Variants in VSTM1 observed in about 807,000 individuals in gnomAD.
VSTM1 encodes the protein V-set and transmembrane domain-containing protein 1.
Under a neutral mutation model 33.1 loss-of-function variants are expected in VSTM1, and 27 were observed. That is an observed-to-expected ratio of 0.82 (90% CI 0.60 to 1.12). VSTM1 has a LOEUF of 1.12. Ranked by LOEUF, VSTM1 falls within the 50% of genes most tolerant of loss-of-function variation. The pLI is 0.00. For synonymous variants in VSTM1, 115 were observed against 110.3 expected, an observed-to-expected ratio of 1.04 and a Z score of -0.27; for missense variants, 304 against 288.9, an observed-to-expected ratio of 1.05 and a Z score of -0.38.
At position 54,041,958 on chromosome 19, in the gene VSTM1, AAGAG is replaced by A. The variant is rs750879691; in HGVS notation, c.516-9_516-6del. 3 of 1,614,094 alleles carry A rather than the reference AAGAG, an allele frequency of 1.9e-6. No individual in the cohort carries two copies. Among genetic ancestry groups the A allele is most frequent in the Non-Finnish European group, 2.5e-6 (3 of 1,180,002 alleles). On this transcript the variant is annotated splice_polypyrimidine_tract_variant and splice_region_variant and intron_variant, in intron 6 of 8. Transcript: ENST00000338372. Reference sequence around the variant, plus strand: ...GGAAGTTTGGAATGGCTGGTTCTGAAAGAGAGAGACACACGTGAAAGGATGGGAT... The same window carrying A: ...GGAAGTTTGGAATGGCTGGTTCTGAAAGAGACACACGTGAAAGGATGGGAT...
rs566950569 is a variant in VSTM1 at position 54,040,866 on chromosome 19, G to A, written c.*95C>T. ...GAAACTTAATTTTATTGATATGGAC[G>A]AAGAGCAAGGAAACACAGTATCTGC... On this transcript the variant is annotated 3_prime_UTR_variant, in exon 9 of 9. Transcript: ENST00000338372. 10 of 1,477,098 alleles carry A rather than the reference G, an allele frequency of 6.8e-6. No homozygotes were observed. Among genetic ancestry groups the A allele is most frequent in the African/African-American group, 2.9e-5 (2 of 68,916 alleles). The allele number at this position is 1,477,098 out of a possible 1,614,324, so 91.5% of individuals were successfully genotyped here.
chr19:54,061,024 T>TTC (rs1221551613), intron 1 of VSTM1, among the ~76,000 whole-genome samples: 1 of 146,644 alleles, frequency 6.8e-6, no homozygotes, highest in Non-Finnish European at 1.5e-5. Context: ...TTCTTTTTTT[T>TTC]TTTTTTTTTT....
At chr19:54,043,043 G>A (rs111911937) in intron 4 of VSTM1, among the ~76,000 whole-genome samples, 59 of 150,548 alleles carry the variant, frequency 3.9e-4, no homozygotes, top group African/African-American at 1.4e-3. Flanking sequence ...CCACTGATGG[G>A]GTGAGTAGAA....
chr19:54,060,928 T>C (rs35146524), intron 1 of VSTM1, among the ~76,000 whole-genome samples: 3,126 of 151,990 alleles, frequency 0.021, 109 homozygotes, highest in African/African-American at 0.07. Flanking sequence ...TGAGTTCAAG[T>C]GATTCTCCCA....
chr19:54,041,885 G>A, intron 7 of VSTM1, 31 bp downstream of exon 7: 1 of 1,614,066 alleles, frequency 6.2e-7, no homozygotes, highest in Non-Finnish European at 8.5e-7. Context: ...TTTCTATCCG[G>A]TGATTCCCTT....
chr19:54,058,418 G>A lies in VSTM1; in HGVS notation c.243C>T (p.Phe81=), dbSNP rs2071215312. The part of the protein sequence containing the change: ...EQSSAENEAE[F]PFTDLKPKDA... ...CCTTAGGCTTCAGGTCCGTGAAGGG[G>A]AATTCAGCTTCGTTTTCTGCCGAGC... The change falls in exon 3 of 9, where the codon TTC becomes TTT. Residue 81 remains phenylalanine (F), a synonymous_variant. Transcript: ENST00000338372. 6.2e-7 allele frequency: 1 copy of A among 1,614,064 alleles called. No individual in the cohort carries two copies. The highest frequency in any genetic ancestry group is 2.2e-5 in the East Asian group (1 of 44,872).
chr19:54,056,020 C>T (rs1388716345), intron 3 of VSTM1, among the ~76,000 whole-genome samples: 2 of 139,616 alleles, frequency 1.4e-5, no homozygotes, highest in Non-Finnish European at 3.1e-5. Context: ...TCAAGGATGT[C>T]CCTCAAATGC....
intron 3 of VSTM1, among the ~76,000 whole-genome samples, chr19:54,052,266 CG>C (rs1251789560): frequency 6.7e-6 from 1 of 149,682 alleles, no homozygotes; most frequent in Non-Finnish European, 1.5e-5. Context: ...AGCGTGGTGG[CG>C]GGCCCCTGTA....
chr19:54,042,804 G>GTATATATATA, intron 4 of VSTM1, among the ~76,000 whole-genome samples: 1 of 45,524 alleles, frequency 2.2e-5, no homozygotes, highest in African/African-American at 1.0e-4. Context: ...ATATATAAAT[G>GTATATATATA]TGTATATATA....
Position 54,041,030 on chromosome 19 carries a change from C to T in VSTM1, c.642G>A (p.Leu214=). The T allele has an allele frequency of 6.2e-7, 1 of 1,608,636 alleles. No homozygotes were observed. The highest frequency in any genetic ancestry group is 8.5e-7 in the Non-Finnish European group (1 of 1,178,346). ...VTYAELSTSA[L]SEAASDTTQE... is the part of the protein sequence containing the mutation. ...GGGTGGTGTCTGAAGCTGCCTCAGA[C>T]AGGGCGCTGGTGCTTAGCTCAGCAT... Residue 214 remains leucine (L), a synonymous_variant, in exon 9 of 9, where the codon CTG becomes CTA. Coordinates refer to ENST00000338372, the MANE Select transcript of VSTM1 (RefSeq NM_198481.4).
intron 1 of VSTM1, among the ~76,000 whole-genome samples, chr19:54,059,441 C>CT (rs1217414265): frequency 2.1e-4 from 32 of 152,142 alleles, no homozygotes; most frequent in Middle Eastern, 3.4e-3. Flanking sequence ...TTCACCTATG[C>CT]TTTTTTCTGG....
chr19:54,061,016 CT>C (rs10693760), intron 1 of VSTM1, among the ~76,000 whole-genome samples: 1,426 of 115,024 alleles, frequency 0.012, 12 homozygotes, highest in African/African-American at 0.031. Flanking sequence ...TTTTTCTTTT[CT>C]TTTTTTTTTT....
At position 54,041,836 on chromosome 19, in the gene VSTM1, A is replaced by G. The variant is rs201214745; in HGVS notation, c.554-20T>C. 8.2e-5 allele frequency: 133 copies of G among 1,613,772 alleles called. No homozygotes were observed. In the African/African-American group the frequency reaches 1.7e-3, roughly 21 times the overall value. On this transcript the variant is annotated intron_variant, in intron 7 of 8. Coordinates refer to ENST00000338372, the MANE Select transcript of VSTM1 (RefSeq NM_198481.4). ...CTGCCTCTGAGTGAGAAAGGAAAAA[A>G]AAAAATCAGTTCTCAGCTGCAGAAG... is the stretch of plus-strand genomic sequence containing the variant.
intron 4 of VSTM1, among the ~76,000 whole-genome samples, chr19:54,043,487 C>T (rs2070421883): frequency 6.6e-6 from 1 of 152,018 alleles, no homozygotes. Flanking sequence ...TCTTGGCTCA[C>T]TGCAAGCTCC....
chr19:54,041,845 G>C (rs1000935133), intron 7 of VSTM1, 29 bp from the exon 8 acceptor site: 18 of 1,613,524 alleles, frequency 1.1e-5, no homozygotes, highest in Non-Finnish European at 1.5e-5. Context: ...AAAAAAATCA[G>C]TTCTCAGCTG....
In VSTM1 at chr19:54,052,792, A is replaced by G. The variant is rs1471394133; in HGVS notation, c.356-1344T>C. Reference sequence around the variant, plus strand: ...AAGTCGTATTGCCTGAAACGCACCAACTCTTACTACATCTAGTCCCTTATT... The same window carrying G: ...AAGTCGTATTGCCTGAAACGCACCAGCTCTTACTACATCTAGTCCCTTATT... On this transcript the variant is annotated intron_variant, in intron 3 of 8. Transcript: ENST00000338372. 2.8e-5 allele frequency: 4 copies of G among 142,378 alleles called. 1 individual carries two copies. The highest frequency in any genetic ancestry group is 1.5e-4 in the Admixed American group (2 of 13,590). 8.8% of individuals were successfully genotyped at this position (142,378 alleles called of 1,614,324 possible). A position where few individuals can be genotyped will look rare whatever the true frequency, so the allele number is the denominator to read the frequency against.
chr19:54,044,956 A>G (rs965777798), intron 4 of VSTM1, among the ~76,000 whole-genome samples: 5 of 152,216 alleles, frequency 3.3e-5, no homozygotes, highest in Non-Finnish European at 5.9e-5. Context: ...TTGAGCAACT[A>G]TAGAAGTGAG....
At chr19:54,042,124 A>T in intron 6 of VSTM1, 45 bp downstream of exon 6, 2 of 1,583,128 alleles carry the variant, frequency 1.3e-6, no homozygotes, top group Non-Finnish European at 1.7e-6. Flanking sequence ...TTCCCTTGAG[A>T]ATGACATGGG....
At chr19:54,048,368 A>G in intron 4 of VSTM1, 3 of 400,782 alleles carry the variant, frequency 7.5e-6, no homozygotes, top group South Asian at 5.2e-5. Flanking sequence ...CTCCTGCCTC[A>G]TCTTCCCAAA....
Sources: allele counts gnomAD v4.1 joint callset (sites outside exome capture counted in the v4.1 genomes callset), GRCh38; gene constraint gnomAD v4.1.1; transcripts MANE v1.5; gene names NCBI Gene and HGNC (gene_info 2026-07-23, HGNC 2026-07-21).